CREBBP: variants seen among roughly 807,000 people sequenced by gnomAD.
CREBBP encodes CREB-binding protein.
A neutral mutation model predicts 265.0 loss-of-function variants in CREBBP; 19 were observed. That is an observed-to-expected ratio of 0.07 (90% CI 0.05 to 0.11). CREBBP has a LOEUF of 0.11. Ranked by LOEUF, CREBBP falls within the 10% of genes least tolerant of loss-of-function variation. CREBBP has a pLI of 1.00. For synonymous variants in CREBBP, 1,457 were observed against 1,223.7 expected, an observed-to-expected ratio of 1.19 and a Z score of -3.98; for missense variants, 2,525 against 3,219.0, an observed-to-expected ratio of 0.78 and a Z score of 5.22.
At chr16:3,862,718 C>T (rs905172773) in intron 1 of CREBBP, among the ~76,000 whole-genome samples, 2 of 152,120 alleles carry the variant, frequency 1.3e-5, no homozygotes, top group African/African-American at 4.8e-5. Context: ...CGAATTCGTA[C>T]CTACCGAGGG....
In CREBBP at chr16:3,727,825, T is replaced by G. The variant is rs372005280; in HGVS notation, c.7222A>C (p.Met2408Leu). 5.6e-6 allele frequency: 9 copies of G among 1,614,104 alleles called. No homozygotes were observed. The highest frequency in any genetic ancestry group is 1.3e-5 in the African/African-American group (1 of 75,036). The change falls in exon 31 of 31, where the codon ATG becomes CTG. Residue 2408 changes from methionine to leucine, a missense_variant. Met to Leu is a conservative substitution (Grantham distance 15). This residue lies in a region of CREBBP where 473 missense variants were observed against 459.3 expected (regional missense o/e 1.03). Coordinates refer to ENST00000262367, the MANE Select transcript of CREBBP (RefSeq NM_004380.3). Reference sequence around the variant, plus strand: ...CTGGGGGTGTTCAGCTGGGGGAGCATTGCACTCTGTTCGGGGTTCCCCAAG... The same window carrying G: ...CTGGGGGTGTTCAGCTGGGGGAGCAGTGCACTCTGTTCGGGGTTCCCCAAG... ...GHLGNPEQSA[M>L]LPQLNTPSRS...
At position 3,852,359 on chromosome 16, in the gene CREBBP, G is replaced by A. The variant is rs545703687; in HGVS notation, c.86-1350C>T. 4.0e-5 allele frequency among the ~76,000 whole-genome samples: 6 copies of A among 151,138 alleles called. No individual in the cohort carries two copies. In the East Asian group the frequency reaches 9.9e-4, roughly 25 times the overall value. On this transcript the variant is annotated intron_variant, in intron 1 of 30. Coordinates refer to ENST00000262367, the MANE Select transcript of CREBBP (RefSeq NM_004380.3). Reference sequence around the variant, plus strand: ...AATTTTTTGTATTTTTAGTAGAGACGGGGTTTCACCGTATTAGCCAGGATG... The same window carrying A: ...AATTTTTTGTATTTTTAGTAGAGACAGGGTTTCACCGTATTAGCCAGGATG...
intron 2 of CREBBP, among the ~76,000 whole-genome samples, chr16:3,830,745 T>G (rs1463919971): frequency 6.6e-6 from 1 of 152,126 alleles, no homozygotes; most frequent in African/African-American, 2.4e-5. Flanking sequence ...CTTATTCTAA[T>G]AGACAATTAT....
At chr16:3,808,131 G>A (rs368057630) in intron 3 of CREBBP, among the ~76,000 whole-genome samples, 19 of 133,180 alleles carry the variant, frequency 1.4e-4, no homozygotes, top group African/African-American at 4.7e-4. Flanking sequence ...GGTGGGGAGA[G>A]AAGGGGAGAG....
At chr16:3,784,868 TG>T (rs1343452156) in intron 5 of CREBBP, among the ~76,000 whole-genome samples, 2 of 152,246 alleles carry the variant, frequency 1.3e-5, no homozygotes, top group Non-Finnish European at 2.9e-5. Context: ...CCACGGAAGC[TG>T]CTGACACGGT....
intron 2 of CREBBP, among the ~76,000 whole-genome samples, chr16:3,844,427 T>C (rs1222539622): frequency 1.3e-5 from 2 of 152,152 alleles, no homozygotes; most frequent in East Asian, 3.8e-4. Context: ...TTAATCAACA[T>C]AGGTAGGTAT....
At position 3,728,521 on chromosome 16, in the gene CREBBP, G is replaced by C. The variant is rs773651163; in HGVS notation, c.6526C>G (p.Pro2176Ala). The change falls in exon 31 of 31, where the codon CCA becomes GCA. Residue 2176 changes from proline (P) to alanine (A), a missense_variant. Physicochemically the swap from Pro to Ala is conservative, Grantham distance 27. Around this residue, in one of 19 missense-constraint regions of CREBBP, gnomAD observed 473 missense variants for 459.3 expected, o/e 1.03. Coordinates refer to ENST00000262367, the MANE Select transcript of CREBBP (RefSeq NM_004380.3). This position sits in a 1 kb window ranked among gnomAD's most constrained non-coding sequence, Gnocchi z 8.7. The stretch of plus-strand genomic sequence containing the variant: ...CTCGCCATGTTGGGGTTGTGTCCTG[G>C]GTTCATGATGTTCAAGGCCTGGCCC... ...PQGQALNIMNPGHNPNMASMN... is the reference protein window; with the variant it reads ...PQGQALNIMNAGHNPNMASMN... 2 of 1,613,920 alleles carry C rather than the reference G, an allele frequency of 1.2e-6. No homozygotes were observed. Among genetic ancestry groups the C allele is most frequent in the African/African-American group, 2.7e-5 (2 of 74,924 alleles).
chr16:3,849,421 GTGTGTGTGTGTGTGTGTGTGTGTGTGTGT>G (rs2054745138), intron 2 of CREBBP, among the ~76,000 whole-genome samples: 25 of 8,588 alleles, frequency 2.9e-3, no homozygotes, highest in Non-Finnish European at 0.018. Flanking sequence ...GTGTGTGTGT[GTGTGTGTGTGTGTGTGTGTGTGTGTGTGT>G]GTGTGTGTGT....
intron 2 of CREBBP, among the ~76,000 whole-genome samples, chr16:3,846,633 G>A (rs111362941): frequency 2.8e-4 from 42 of 152,310 alleles, no homozygotes; most frequent in Non-Finnish European, 1.2e-4. Context: ...TATGAAGAAT[G>A]ACTGACAGCT....
intron 2 of CREBBP, among the ~76,000 whole-genome samples, chr16:3,845,063 GA>G (rs1028982891): frequency 3.3e-4 from 50 of 152,142 alleles, no homozygotes; most frequent in African/African-American, 1.2e-3. Flanking sequence ...AAATCCCAAA[GA>G]TTTTTTGTTT....
chr16:3,750,934 G>T (rs982197046), intron 20 of CREBBP, among the ~76,000 whole-genome samples: 1 of 152,156 alleles, frequency 6.6e-6, no homozygotes, highest in African/African-American at 2.4e-5. Context: ...GGTTTCTCAG[G>T]TATAACTGAA....
intron 23 of CREBBP, 85 bp downstream of exon 23, chr16:3,744,809 G>T: frequency 9.7e-7 from 1 of 1,035,762 alleles, no homozygotes; most frequent in Non-Finnish European, 1.5e-6. Context: ...ACCATGTGTT[G>T]AGAGGAACCA....
Position 3,731,007 on chromosome 16 carries a change from A to T in CREBBP, c.5172+185T>A, listed in dbSNP as rs903421889. Among the ~76,000 whole-genome samples, 2 of 152,198 alleles carry T rather than the reference A, an allele frequency of 1.3e-5. No homozygotes were observed. Among genetic ancestry groups the T allele is most frequent in the Non-Finnish European group, 2.9e-5 (2 of 68,020 alleles). ...GGGTCAGGCCTGTGGCTGTGGCTAC[A>T]CAGAGCAGGTTTAGGAAACACACAC... is the stretch of plus-strand genomic sequence containing the variant. On this transcript the variant is annotated intron_variant, in intron 30 of 30. Transcript: ENST00000262367. This position sits in a 1 kb window ranked among gnomAD's most constrained non-coding sequence, Gnocchi z 7.7.
chr16:3,803,281 T>G (rs1219334968), intron 3 of CREBBP, among the ~76,000 whole-genome samples: 236 of 7,486 alleles, frequency 0.032, no homozygotes, highest in Non-Finnish European at 0.036. Context: ...GGGGGGGGGG[T>G]GGATCACGAG....
chr16:3,761,613 C>G (rs1032111389), intron 16 of CREBBP: 1 of 517,004 alleles, frequency 1.9e-6, no homozygotes, highest in Non-Finnish European at 3.9e-6. Flanking sequence ...CTCCAGGGCA[C>G]GTGGCTGCTT....
At chr16:3,770,263 C>A (rs576725262) in intron 14 of CREBBP, among the ~76,000 whole-genome samples, 1 of 152,176 alleles carries the variant, frequency 6.6e-6, no homozygotes, top group East Asian at 1.9e-4. Context: ...CTCACTGTAA[C>A]CTGTACCTCC....
At chr16:3,795,127 T>A (rs1443096850) in intron 3 of CREBBP, among the ~76,000 whole-genome samples, 1 of 152,178 alleles carries the variant, frequency 6.6e-6, no homozygotes, top group Non-Finnish European at 1.5e-5. Context: ...CTTGGAAGTC[T>A]GAGAAGGACC....
intron 4 of CREBBP, among the ~76,000 whole-genome samples, chr16:3,792,920 C>G (rs565075812): frequency 6.6e-6 from 1 of 152,346 alleles, no homozygotes; most frequent in African/African-American, 2.4e-5. Context: ...ACTTCGCTGT[C>G]ATCCGCACTT....
intron 11 of CREBBP, among the ~76,000 whole-genome samples, chr16:3,775,191 G>A (rs1482376269): frequency 6.6e-6 from 1 of 152,100 alleles, no homozygotes; most frequent in Non-Finnish European, 1.5e-5. Context: ...CTCCTTGCTG[G>A]GTTTACATTC....
Sources: gnomAD v4.1 joint callset for allele counts (sites outside exome capture counted in the v4.1 genomes callset) on GRCh38, gnomAD v4.1.1 for gene constraint, gnomAD v4.1.1 regional missense constraint, Gnocchi (gnomAD v3.1) non-coding constraint, MANE v1.5 for transcripts, NCBI Gene and HGNC (gene_info 2026-07-23, HGNC 2026-07-21) for gene names.